Variants in GALNTL6 observed in about 807,000 individuals in gnomAD.
GALNTL6 encodes polypeptide N-acetylgalactosaminyltransferase-like 6.
GALNTL6 carries 46 observed loss-of-function variants against 73.7 expected under a neutral mutation model. The observed-to-expected ratio is 0.62, with a 90% CI of 0.49 to 0.80. The LOEUF (loss-of-function observed/expected upper bound fraction) is 0.80, where lower values mean the gene tolerates loss of function less well. GALNTL6 is among the 30% of genes least tolerant of loss of function. GALNTL6 has a pLI of 0.00. For missense variants in GALNTL6, 604 were observed against 755.0 expected, an observed-to-expected ratio of 0.80 and a Z score of 2.34; for synonymous variants, 259 against 263.7, an observed-to-expected ratio of 0.98 and a Z score of 0.17.
At chr4:172,538,011 G>C (rs1735408674) in intron 5 of GALNTL6, among the ~76,000 whole-genome samples, 1 of 152,032 alleles carries the variant, frequency 6.6e-6, no homozygotes, top group Non-Finnish European at 1.5e-5. Flanking sequence ...CTGTTGCAGG[G>C]GTACAGATTA....
chr4:171,888,750 C>T (rs1459934504), intron 2 of GALNTL6, among the ~76,000 whole-genome samples: 2 of 151,984 alleles, frequency 1.3e-5, no homozygotes, highest in African/African-American at 4.8e-5. Context: ...ATAGCAGCCA[C>T]AAAAATTTAA....
chr4:171,859,130 C>A (rs950937807), intron 2 of GALNTL6, among the ~76,000 whole-genome samples: 3 of 152,108 alleles, frequency 2.0e-5, no homozygotes, highest in African/African-American at 7.2e-5. Context: ...ACAGGTGTAT[C>A]TTTCTGTGTT....
chr4:171,939,589 G>T (rs1420738459), intron 2 of GALNTL6, among the ~76,000 whole-genome samples: 1 of 151,834 alleles, frequency 6.6e-6, no homozygotes, highest in African/African-American at 2.4e-5. Flanking sequence ...CCCAAATCAT[G>T]CAAACTGTGT....
intron 2 of GALNTL6, among the ~76,000 whole-genome samples, chr4:172,087,444 C>CTCA (rs1732077907): frequency 3.0e-5 from 3 of 100,572 alleles, no homozygotes; most frequent in African/African-American, 1.3e-4. Context: ...GACTCCATCC[C>CTCA]AAAAAAAAAA....
chr4:171,980,855 A>G (rs1460870111), intron 2 of GALNTL6, among the ~76,000 whole-genome samples: 1 of 152,226 alleles, frequency 6.6e-6, no homozygotes, highest in Non-Finnish European at 1.5e-5. Flanking sequence ...AATATTCCTA[A>G]CTGAGGTTAT....
chr4:172,344,385 G>A (rs1257762955), intron 4 of GALNTL6, among the ~76,000 whole-genome samples: 1 of 152,162 alleles, frequency 6.6e-6, no homozygotes, highest in Non-Finnish European at 1.5e-5. Flanking sequence ...AGCAGCTCAA[G>A]TGCTAGAATG....
chr4:172,299,651 G>A (rs1561013430), intron 3 of GALNTL6, among the ~76,000 whole-genome samples: 1 of 152,206 alleles, frequency 6.6e-6, no homozygotes, highest in East Asian at 1.9e-4. Context: ...GGAGCAGGTG[G>A]TTCAGTTTCC....
chr4:172,626,537 A>G (rs1341541097), intron 5 of GALNTL6, among the ~76,000 whole-genome samples: 1 of 152,020 alleles, frequency 6.6e-6, no homozygotes, highest in South Asian at 2.1e-4. Context: ...TTTTTTTCTA[A>G]TTCTGTGAAA....
chr4:172,201,160 T>A (rs1275167861), intron 2 of GALNTL6, among the ~76,000 whole-genome samples: 1 of 151,864 alleles, frequency 6.6e-6, no homozygotes, highest in African/African-American at 2.4e-5. Context: ...TGTTCCCTAA[T>A]GCTTTAGTTG....
Position 172,365,803 on chromosome 4 carries a change from C to A in GALNTL6, c.553+17114C>A, listed in dbSNP as rs575316691. Among the ~76,000 whole-genome samples the A allele has an allele frequency of 5.2e-4, 79 of 151,894 alleles. 2 individuals carry two copies. In the South Asian group the frequency reaches 0.016, roughly 30 times the overall value. ...TCCTAGAGTTCTGTTAATTTGGTAA[C>A]CTTGACAAAAATCAAAGACATTTTA... is the stretch of plus-strand genomic sequence containing the variant. On this transcript the variant is annotated intron_variant, in intron 5 of 12. Transcript: ENST00000506823.
chr4:172,280,640 T>C (rs902486028), intron 3 of GALNTL6, among the ~76,000 whole-genome samples: 2 of 152,030 alleles, frequency 1.3e-5, no homozygotes, highest in Non-Finnish European at 2.9e-5. Context: ...AGTTTTTGCA[T>C]CATTAGATCA....
intron 2 of GALNTL6, among the ~76,000 whole-genome samples, chr4:171,973,078 C>G (rs1739618835): frequency 6.6e-6 from 1 of 152,116 alleles, no homozygotes; most frequent in African/African-American, 2.4e-5. Context: ...TATCCTCCCT[C>G]CTCCCCAACA....
At chr4:171,981,935 T>G (rs1464951126) in intron 2 of GALNTL6, among the ~76,000 whole-genome samples, 2 of 151,980 alleles carry the variant, frequency 1.3e-5, no homozygotes, top group Non-Finnish European at 2.9e-5. Flanking sequence ...ACAGATCTAT[T>G]CCTGAAAGAG....
chr4:171,920,654 A>G (rs1443763893), intron 2 of GALNTL6, among the ~76,000 whole-genome samples: 1 of 152,196 alleles, frequency 6.6e-6, no homozygotes, highest in Non-Finnish European at 1.5e-5. Context: ...GAAAACAACA[A>G]TAAAAATACA....
Position 172,403,675 on chromosome 4 carries a change from A to G in GALNTL6, c.553+54986A>G, listed in dbSNP as rs78046754. ...AAGGAGCATATATTTGCATAGACAC[A>G]TATACACATATATTACTTTTTTTAA... On this transcript the variant is annotated intron_variant, in intron 5 of 12. Coordinates refer to ENST00000506823, the MANE Select transcript of GALNTL6 (RefSeq NM_001034845.3). Among the ~76,000 whole-genome samples the G allele has an allele frequency of 4.0e-3, 605 of 152,154 alleles. 4 individuals are homozygous for G. Among genetic ancestry groups the G allele is most frequent in the African/African-American group, 0.014 (561 of 41,554 alleles).
At chr4:172,034,055 G>A (rs1741850858) in intron 2 of GALNTL6, among the ~76,000 whole-genome samples, 1 of 152,102 alleles carries the variant, frequency 6.6e-6, no homozygotes, top group South Asian at 2.1e-4. Flanking sequence ...TCAGTGTCTA[G>A]TGAGTTGTCG....
chr4:171,918,303 CATT>C (rs1435089974), intron 2 of GALNTL6, among the ~76,000 whole-genome samples: 7 of 151,984 alleles, frequency 4.6e-5, no homozygotes, highest in Admixed American at 2.6e-4. Context: ...ACTTTTGTCT[CATT>C]AAATCTCTGA....
rs1384245408 is a variant in GALNTL6 at position 172,809,586 on chromosome 4, G to A, written c.739+40G>A. On this transcript the variant is annotated intron_variant, in intron 6 of 12. Transcript: ENST00000506823. This position sits in a 1 kb window ranked among gnomAD's most constrained non-coding sequence, Gnocchi z 4.4. ...CTAAGCACCATCCTGGGATGCCTCA[G>A]GGGAACTGAGCGGTTTGCTTCTATT... 3 of 1,521,896 alleles carry A rather than the reference G, an allele frequency of 2.0e-6. No homozygotes were observed. The highest frequency in any genetic ancestry group is 3.9e-5 in the Admixed American group (2 of 51,528). The allele number at this position is 1,521,896 out of a possible 1,614,324, so 94.3% of individuals were successfully genotyped here. A position where few individuals can be genotyped will look rare whatever the true frequency, so the allele number is the denominator to read the frequency against.
intron 7 of GALNTL6, among the ~76,000 whole-genome samples, chr4:172,853,189 C>T (rs1743931780): frequency 6.6e-6 from 1 of 152,168 alleles, no homozygotes; most frequent in African/African-American, 2.4e-5. Flanking sequence ...GGAAAGTATC[C>T]ATTTGCAAGC....
Sources: gnomAD v4.1 joint callset for allele counts (sites outside exome capture counted in the v4.1 genomes callset) on GRCh38, gnomAD v4.1.1 for gene constraint, Gnocchi (gnomAD v3.1) non-coding constraint, MANE v1.5 for transcripts, NCBI Gene and HGNC (gene_info 2026-07-23, HGNC 2026-07-21) for gene names.